TMOD3: variants seen among roughly 807,000 people sequenced by gnomAD.
TMOD3 encodes the protein tropomodulin 3.
In TMOD3, 20 loss-of-function variants were observed where a neutral mutation model predicts 39.2. The ratio of observed to expected loss-of-function variants is 0.51; its 90% CI spans 0.36 to 0.74. The LOEUF (loss-of-function observed/expected upper bound fraction) is 0.74, where lower values mean the gene tolerates loss of function less well. TMOD3 is among the 30% of genes least tolerant of loss of function. The pLI is 0.00. For missense variants in TMOD3, 381 were observed against 412.8 expected, an observed-to-expected ratio of 0.92 and a Z score of 0.67; for synonymous variants, 143 against 145.8, an observed-to-expected ratio of 0.98 and a Z score of 0.14.
rs542749620 is a variant in TMOD3, at chr15:51,900,172, G to A, written c.753G>A (p.Leu251=). The A allele has an allele frequency of 6.2e-7, 1 of 1,614,060 alleles. No individual in the cohort carries two copies. Among genetic ancestry groups the A allele is most frequent in the Admixed American group, 1.7e-5 (1 of 59,984 alleles). ...ATTTCTAGGCTTTTGCAGAAATGCT[G>A]AAAGTGAACAAAACTTTGAAGAGCT... is the stretch of plus-strand genomic sequence containing the variant. The part of the protein sequence containing the change: ...DPVATAFAEM[L]KVNKTLKSLN... The change falls in exon 8 of 10, where the codon CTG becomes CTA. Residue 251 remains leucine (L), a synonymous_variant. Transcript: ENST00000308580.
chr15:51,855,615 T>A (rs190374640), intron 1 of TMOD3, among the ~76,000 whole-genome samples: 1 of 152,368 alleles, frequency 6.6e-6, no homozygotes, highest in Non-Finnish European at 1.5e-5. Flanking sequence ...TTTTTTACTT[T>A]TATATGAAAT....
intron 5 of TMOD3, chr15:51,892,516 AG>A (rs2056598898): frequency 1.3e-5 from 2 of 152,144 alleles, no homozygotes; most frequent in Non-Finnish European, 1.5e-5. Context: ...GAGGGAGGGC[AG>A]TAAATTTTGG....
intron 5 of TMOD3, among the ~76,000 whole-genome samples, chr15:51,891,873 G>A (rs532762306): frequency 6.6e-6 from 1 of 152,238 alleles, no homozygotes; most frequent in South Asian, 2.1e-4. Flanking sequence ...CTGCTTCTTG[G>A]CAATCTATAC....
At chr15:51,832,206 TATATATATA>T (rs1595887464) in intron 1 of TMOD3, among the ~76,000 whole-genome samples, 2 of 108,360 alleles carry the variant, frequency 1.8e-5, no homozygotes, top group South Asian at 2.6e-4. Context: ...AAAAAAATTA[TATATATATA>T]TATATATATA....
chr15:51,839,616 A>C (rs1045804257), intron 1 of TMOD3, among the ~76,000 whole-genome samples: 1 of 151,920 alleles, frequency 6.6e-6, no homozygotes, highest in Non-Finnish European at 1.5e-5. Context: ...GTGTGATCAT[A>C]GCTCACTGCA....
chr15:51,901,762 G>A, intron 8 of TMOD3, 130 bp from the exon 9 acceptor site: 1 of 900,392 alleles, frequency 1.1e-6, no homozygotes, highest in Non-Finnish European at 1.7e-6. Flanking sequence ...ACTGAACTAT[G>A]TATATGTTGT....
In TMOD3 at chr15:51,893,382, A is replaced by T. The variant is rs371342922; in HGVS notation, c.497-433A>T. Among the ~76,000 whole-genome samples, 11 of 151,712 alleles carry T rather than the reference A, an allele frequency of 7.3e-5. No individual in the cohort carries two copies. The East Asian group carries it at 1.7e-3, about 24-fold the overall frequency. ...ATCTTTTCGGAATTGTGGGGATGGAACTTTTAAATCTGTCCCCTTGAATAA... is the reference window on the plus strand; with the variant it reads ...ATCTTTTCGGAATTGTGGGGATGGATCTTTTAAATCTGTCCCCTTGAATAA... On this transcript the variant is annotated intron_variant, in intron 5 of 9. Coordinates refer to ENST00000308580, the MANE Select transcript of TMOD3 (RefSeq NM_014547.5).
In TMOD3 at chr15:51,908,857, G is replaced by A. The variant is rs779060752; in HGVS notation, c.*47G>A. The A allele has an allele frequency of 8.4e-5, 127 of 1,510,122 alleles. No homozygotes were observed. Among genetic ancestry groups the A allele is most frequent in the Admixed American group, 2.7e-4 (13 of 48,094 alleles). 93.5% of individuals were successfully genotyped at this position (1,510,122 alleles called of 1,614,324 possible). On this transcript the variant is annotated 3_prime_UTR_variant, in exon 10 of 10. Transcript: ENST00000308580. ...GGAAGACTTCAGAAGATCACCAAGGGCTCATGTTGGTGACATCATGTAAAA... is the reference window on the plus strand; with the variant it reads ...GGAAGACTTCAGAAGATCACCAAGGACTCATGTTGGTGACATCATGTAAAA...
chr15:51,886,002 C>G (rs1482075653), intron 3 of TMOD3, among the ~76,000 whole-genome samples: 1 of 149,916 alleles, frequency 6.7e-6, no homozygotes, highest in South Asian at 2.1e-4. Flanking sequence ...GCTGGCCAGG[C>G]GGAGACGCTC....
At chr15:51,907,020 C>CA (rs11419380) in intron 9 of TMOD3, among the ~76,000 whole-genome samples, 63,625 of 115,800 alleles carry the variant, frequency 0.55, 15,816 homozygotes, top group East Asian at 0.9. Flanking sequence ...AACTCCGTCT[C>CA]AAAAAAAAAA....
intron 5 of TMOD3, among the ~76,000 whole-genome samples, chr15:51,889,615 G>A (rs2056582283): frequency 6.6e-6 from 1 of 152,166 alleles, no homozygotes; most frequent in African/African-American, 2.4e-5. Flanking sequence ...GATCATGACT[G>A]TAATTTCATT....
chr15:51,843,106 G>A (rs967471019), intron 1 of TMOD3, among the ~76,000 whole-genome samples: 4 of 152,200 alleles, frequency 2.6e-5, no homozygotes, highest in Non-Finnish European at 5.9e-5. Context: ...CTGGAGCACT[G>A]CTGATCTTGA....
At chr15:51,866,709 A>G (rs2056448772) in intron 2 of TMOD3, among the ~76,000 whole-genome samples, 1 of 152,202 alleles carries the variant, frequency 6.6e-6, no homozygotes, top group Non-Finnish European at 1.5e-5. Context: ...TGCCTTAATG[A>G]GAATCTTTCT....
chr15:51,866,168 T>G (rs2056444495), intron 2 of TMOD3, among the ~76,000 whole-genome samples: 1 of 152,114 alleles, frequency 6.6e-6, no homozygotes, highest in Non-Finnish European at 1.5e-5. Context: ...GGTTAGACTG[T>G]TTTTGGCCGG....
At chr15:51,879,654 G>T (rs959534169) in intron 3 of TMOD3, among the ~76,000 whole-genome samples, 3 of 151,894 alleles carry the variant, frequency 2.0e-5, no homozygotes, top group Non-Finnish European at 4.4e-5. Flanking sequence ...TTTAGGGACT[G>T]ATATTATACA....
At chr15:51,854,656 A>T (rs1458721900) in intron 1 of TMOD3, among the ~76,000 whole-genome samples, 1 of 152,236 alleles carries the variant, frequency 6.6e-6, no homozygotes, top group African/African-American at 2.4e-5. Context: ...ACTTATATAT[A>T]GATCCCTTTT....
chr15:51,879,856 T>TCTCACA (rs1555387131), intron 3 of TMOD3, among the ~76,000 whole-genome samples: 3 of 142,558 alleles, frequency 2.1e-5, no homozygotes, highest in Non-Finnish European at 4.6e-5. Flanking sequence ...TCTCTGTCTT[T>TCTCACA]CACACACACA....
chr15:51,879,525 CATT>C (rs145481810), intron 3 of TMOD3, among the ~76,000 whole-genome samples: 2,332 of 151,768 alleles, frequency 0.015, 84 homozygotes, highest in Admixed American at 0.075. Context: ...TTTTCTTAGA[CATT>C]ATGTTATTTT....
chr15:51,840,392 T>C (rs556575391), intron 1 of TMOD3, among the ~76,000 whole-genome samples: 4 of 152,318 alleles, frequency 2.6e-5, no homozygotes, highest in East Asian at 3.9e-4. Flanking sequence ...ATGAAGATAA[T>C]GACTATTAGC....
Sources: allele counts gnomAD v4.1 joint callset (sites outside exome capture counted in the v4.1 genomes callset), GRCh38; gene constraint gnomAD v4.1.1; transcripts MANE v1.5; gene names NCBI Gene and HGNC (gene_info 2026-07-23, HGNC 2026-07-21).